ITGAD: variants seen among roughly 807,000 people sequenced by gnomAD.
ITGAD encodes integrin alpha-D.
ITGAD carries 105 observed loss-of-function variants against 139.0 expected under a neutral mutation model. That is an observed-to-expected ratio of 0.76 (90% confidence interval 0.65 to 0.89). ITGAD has a LOEUF of 0.89. ITGAD is among the 40% of genes least tolerant of loss of function. ITGAD has a pLI of 0.00. For synonymous variants in ITGAD, 569 were observed against 598.3 expected, an observed-to-expected ratio of 0.95 and a Z score of 0.71; for missense variants, 1,384 against 1,487.3, an observed-to-expected ratio of 0.93 and a Z score of 1.14.
chr16:31,402,451 G>T, intron 6 of ITGAD: 1 of 423,190 alleles, frequency 2.4e-6, no homozygotes. Context: ...AAAAGCTACA[G>T]GAAATACAAT....
At chr16:31,416,105 CT>C in intron 18 of ITGAD, 107 bp from the exon 19 acceptor site, 1 of 847,578 alleles carries the variant, frequency 1.2e-6, no homozygotes, top group Non-Finnish European at 1.9e-6. Context: ...CAGCAAAGTG[CT>C]GGGGGCAGTG....
Position 31,412,983 on chromosome 16 carries a change from A to G in ITGAD, c.1838+15A>G, listed in dbSNP as rs377119763. 1.9e-6 allele frequency: 3 copies of G among 1,602,210 alleles called. No homozygotes were observed. Among genetic ancestry groups the G allele is most frequent in the African/African-American group, 2.7e-5 (2 of 74,628 alleles). On this transcript the variant is annotated intron_variant, in intron 15 of 29. Transcript: ENST00000389202. ...CTCCTGCTCAGGTAGCGACTCCCCA[A>G]CATCCTGCCCTCCCGCGCTGTGTCT...
At position 31,397,893 on chromosome 16, in the gene ITGAD, C is replaced by A; in HGVS notation, c.411C>A (p.Val137=). 6.2e-7 allele frequency: 1 copy of A among 1,612,484 alleles called. No homozygotes were observed. The highest frequency in any genetic ancestry group is 1.1e-5 in the South Asian group (1 of 90,760). Residue 137 remains valine (V), a synonymous_variant, in exon 5 of 30, where the codon GTC becomes GTA. Coordinates refer to ENST00000389202, the MANE Select transcript of ITGAD (RefSeq NM_005353.3). ...LGSRWEIIQT[V]PDATPECPHQ... is the part of the protein sequence containing the mutation. ...CGCGCTGGGAGATCATCCAGACAGT[C>A]CCCGACGCCACGCCAGGTAGGTCCC... is the stretch of plus-strand genomic sequence containing the variant.
intron 23 of ITGAD, among the ~76,000 whole-genome samples, chr16:31,420,322 G>A (rs1314682248): frequency 1.3e-5 from 2 of 152,156 alleles, no homozygotes; most frequent in East Asian, 1.9e-4. Context: ...AGGGGCAGGC[G>A]AGGCTGGATG....
Position 31,402,130 on chromosome 16 carries a change from A to AGATG in ITGAD, c.446_449dup (p.Ile151GlyfsTer7). 1 of 1,613,948 alleles carries AGATG rather than the reference A, an allele frequency of 6.2e-7. No individual in the cohort carries two copies. ...TCCCCCACAGAGTGTCCACATCAAG[A>AGATG]GATGGACATCGTCTTCCTGATTGAC... On this transcript the variant is annotated frameshift_variant, in exon 6 of 30. Coordinates refer to ENST00000389202, the MANE Select transcript of ITGAD (RefSeq NM_005353.3). LOFTEE classifies it high-confidence loss of function.
At chr16:31,420,485 C>T (rs1205718697) in intron 23 of ITGAD, among the ~76,000 whole-genome samples, 2 of 152,110 alleles carry the variant, frequency 1.3e-5, no homozygotes, top group South Asian at 2.1e-4. Context: ...GCAACCTCCA[C>T]CTCCCAGGTT....
intron 20 of ITGAD, among the ~76,000 whole-genome samples, chr16:31,417,008 C>CCCCT (rs1362551105): frequency 1.1e-5 from 1 of 91,464 alleles, no homozygotes; most frequent in African/African-American, 4.2e-5. Flanking sequence ...CCCTCCCTCC[C>CCCCT]CCCTCCCTCC....
intron 9 of ITGAD, 126 bp from the exon 10 acceptor site, chr16:31,408,299 C>A: frequency 1.3e-6 from 1 of 772,462 alleles, no homozygotes; most frequent in Non-Finnish European, 2.2e-6. Flanking sequence ...ATGGGCCATT[C>A]CTGTTCACAA....
chr16:31,398,270 A>AAAACG (rs2081321242), intron 5 of ITGAD, among the ~76,000 whole-genome samples: 1 of 151,722 alleles, frequency 6.6e-6, no homozygotes, highest in African/African-American at 2.4e-5. Flanking sequence ...AAAACAAAAC[A>AAAACG]AAACAAAATA....
At position 31,423,619 on chromosome 16, in the gene ITGAD, C is replaced by T; in HGVS notation, c.3016C>T (p.Leu1006=). The T allele has an allele frequency of 6.2e-7, 1 of 1,614,136 alleles. No individual in the cohort carries two copies. The highest frequency in any genetic ancestry group is 8.5e-7 in the Non-Finnish European group (1 of 1,180,016). Residue 1006 remains leucine, a synonymous_variant, in exon 26 of 30, where the codon CTG becomes TTG. Coordinates refer to ENST00000389202, the MANE Select transcript of ITGAD (RefSeq NM_005353.3). ...AAAACCTCCCCAGCATTCTGACTTC[C>T]TGACCCAGATTTCAAGAAGTCCCAT... ...ERKPPQHSDF[L]TQISRSPMLD...
chr16:31,417,803 C>G (rs1193461711), intron 20 of ITGAD, among the ~76,000 whole-genome samples: 2 of 152,048 alleles, frequency 1.3e-5, no homozygotes, highest in Non-Finnish European at 2.9e-5. Flanking sequence ...AAATATTAGC[C>G]AGGCATGGTG....
chr16:31,421,445 G>A (rs1477966928), intron 23 of ITGAD, among the ~76,000 whole-genome samples: 2 of 148,664 alleles, frequency 1.3e-5, no homozygotes, highest in Non-Finnish European at 3.0e-5. Flanking sequence ...GCAACATAGT[G>A]AGAACCCATC....
At chr16:31,400,366 G>T (rs2081373706) in intron 5 of ITGAD, among the ~76,000 whole-genome samples, 1 of 152,162 alleles carries the variant, frequency 6.6e-6, no homozygotes, top group Admixed American at 6.6e-5. Context: ...GTGGGCAGGG[G>T]GCAGAAACCA....
At position 31,403,690 on chromosome 16, in the gene ITGAD, A is replaced by C; in HGVS notation, c.704+45A>C. 6.2e-7 allele frequency: 1 copy of C among 1,610,364 alleles called. No homozygotes were observed. Among genetic ancestry groups the C allele is most frequent in the Non-Finnish European group, 8.5e-7 (1 of 1,177,426 alleles). Reference sequence around the variant, plus strand: ...GCCTGGCGATGTGACTGCCACCCCCACTTCCTAACCCTGGGTCAGCACAGC... The same window carrying C: ...GCCTGGCGATGTGACTGCCACCCCCCCTTCCTAACCCTGGGTCAGCACAGC... On this transcript the variant is annotated intron_variant, in intron 7 of 29. Transcript: ENST00000389202. This position sits in a 1 kb window ranked among gnomAD's most constrained non-coding sequence, Gnocchi z 4.4.
chr16:31,399,609 C>T (rs1169602237), intron 5 of ITGAD, among the ~76,000 whole-genome samples: 1 of 152,120 alleles, frequency 6.6e-6, no homozygotes, highest in Non-Finnish European at 1.5e-5. Flanking sequence ...CGTGCCCAGC[C>T]TGAGATGTCT....
At chr16:31,415,655 C>T (rs1487444832) in intron 18 of ITGAD, among the ~76,000 whole-genome samples, 1 of 152,168 alleles carries the variant, frequency 6.6e-6, no homozygotes, top group Non-Finnish European at 1.5e-5. Context: ...CCTGTTTCGC[C>T]CCTCACTTGG....
At chr16:31,404,162 AC>A (rs2081479150) in intron 7 of ITGAD, 1 of 155,802 alleles carries the variant, frequency 6.4e-6, no homozygotes, top group Admixed American at 6.3e-5. Context: ...AGGAATTGTC[AC>A]CCAAGGTCGT....
chr16:31,397,264 C>T (rs572662399), intron 2 of ITGAD, 95 bp from the exon 3 acceptor site: 10 of 788,580 alleles, frequency 1.3e-5, no homozygotes, highest in South Asian at 4.9e-5. Context: ...CACAGAGTCT[C>T]GCTTCCCCAT....
chr16:31,423,125 C>T lies in ITGAD; in HGVS notation c.2792C>T (p.Ser931Phe), dbSNP rs892238936. The change falls in exon 24 of 30, where the codon TCC becomes TTC. Residue 931 changes from serine to phenylalanine, a missense_variant. Physicochemically the swap from Ser to Phe is radical, Grantham distance 155 (BLOSUM62 -2). Coordinates refer to ENST00000389202, the MANE Select transcript of ITGAD (RefSeq NM_005353.3). ...VYTMISRQEE[S>F]TKYFNFATSD... ...GGCTCTCTCTCCAGGCAGGAAGAAT[C>T]CACCAAGTACTTCAACTTTGCAACC... 1.2e-6 allele frequency: 2 copies of T among 1,613,924 alleles called. No individual in the cohort carries two copies. Among genetic ancestry groups the T allele is most frequent in the South Asian group, 2.2e-5 (2 of 91,086 alleles).
Sources: allele counts gnomAD v4.1 joint callset (sites outside exome capture counted in the v4.1 genomes callset), GRCh38; gene constraint gnomAD v4.1.1; non-coding constraint Gnocchi (gnomAD v3.1); transcripts MANE v1.5; gene names NCBI Gene and HGNC (gene_info 2026-07-23, HGNC 2026-07-21).